Variants in ABCG2 observed in about 807,000 individuals in gnomAD.
ABCG2 encodes the protein broad substrate specificity ATP-binding cassette transporter ABCG2.
In ABCG2, 80 loss-of-function variants were observed where a neutral mutation model predicts 73.5. That is an observed-to-expected ratio of 1.09 (90% CI 0.91 to 1.31). The LOEUF (loss-of-function observed/expected upper bound fraction) is 1.31, where lower values mean the gene tolerates loss of function less well. ABCG2 is among the 50% of genes most tolerant of loss of function. ABCG2 has a pLI of 0.00. For missense variants in ABCG2, 796 were observed against 786.2 expected, an observed-to-expected ratio of 1.01 and a Z score of -0.15; for synonymous variants, 269 against 282.4, an observed-to-expected ratio of 0.95 and a Z score of 0.48.
intron 1 of ABCG2, among the ~76,000 whole-genome samples, chr4:88,150,001 A>C (rs779582887): frequency 1.3e-5 from 2 of 151,906 alleles, no homozygotes; most frequent in Admixed American, 6.6e-5. Flanking sequence ...AGTGCTACGG[A>C]GAAAAAAAAT....
At chr4:88,158,720 C>T (rs1324936811), upstream of ABCG2, 1 of 439,786 alleles carries the variant, frequency 2.3e-6, no homozygotes, top group Non-Finnish European at 4.6e-6. Context: ...CTTCCCCCAA[C>T]CACACCCGGC....
In ABCG2 at chr4:88,153,074, CAATT is replaced by C. The variant is rs370300482; in HGVS notation, c.-20+5308_-20+5311del. ...AAGAATTGGGAGGACCCAGGACATC[CAATT>C]AGAGAGTGCCTAAGGAGGTTCAGCA... On this transcript the variant is annotated intron_variant, in intron 1 of 15. Coordinates refer to ENST00000237612, the MANE Select transcript of ABCG2 (RefSeq NM_004827.3). Among the ~76,000 whole-genome samples, 34 of 152,158 alleles carry C rather than the reference CAATT, an allele frequency of 2.2e-4. No individual in the cohort carries two copies. The South Asian group carries it at 7.1e-3, about 32-fold the overall frequency.
chr4:88,121,560 C>G lies in ABCG2; in HGVS notation c.689+75G>C, dbSNP rs909336801. On this transcript the variant is annotated intron_variant, in intron 6 of 15. Transcript: ENST00000237612. ...GAAATTACTTTGATCATTTCTGAAC[C>G]CCCTGCCCCAAGAATATCTGGGACA... The G allele has an allele frequency of 2.9e-6, 4 of 1,374,952 alleles. No homozygotes were observed. In the African/African-American group the frequency reaches 4.4e-5, roughly 15 times the overall value. The allele number at this position is 1,374,952 out of a possible 1,614,324, so 85.2% of individuals were successfully genotyped here. A position where few individuals can be genotyped will look rare whatever the true frequency, so the allele number is the denominator to read the frequency against.
chr4:88,144,366 G>A (rs183346000), intron 1 of ABCG2, among the ~76,000 whole-genome samples: 71 of 151,682 alleles, frequency 4.7e-4, no homozygotes, highest in African/African-American at 1.7e-3. Context: ...CCCCAGCTCT[G>A]CTGCCTCTTT....
chr4:88,215,188 A>G (rs1729766670), intron 1 of ABCG2, among the ~76,000 whole-genome samples: 1 of 152,196 alleles, frequency 6.6e-6, no homozygotes, highest in South Asian at 2.1e-4. Context: ...GTGTTAGACC[A>G]ATGGGGATAA....
intron 1 of ABCG2, among the ~76,000 whole-genome samples, chr4:88,180,165 A>G (rs1728174843): frequency 6.6e-6 from 1 of 152,178 alleles, no homozygotes; most frequent in Admixed American, 6.5e-5. Flanking sequence ...AAAGGATCCT[A>G]AAAGCAGCAA....
intron 1 of ABCG2, among the ~76,000 whole-genome samples, chr4:88,202,191 C>T (rs1424870385): frequency 6.6e-6 from 1 of 151,190 alleles, no homozygotes; most frequent in East Asian, 2.0e-4. Context: ...TCCCATAATG[C>T]CCCATGTCAA....
In ABCG2 at chr4:88,139,841, A is replaced by G; in HGVS notation, c.155T>C (p.Phe52Ser). 1.2e-6 allele frequency: 2 copies of G among 1,614,184 alleles called. No homozygotes were observed. Among genetic ancestry groups the G allele is most frequent in the East Asian group, 2.2e-5 (1 of 44,886 alleles). The change falls in exon 2 of 16, where the codon TTT (phenylalanine) becomes TCT (serine). Residue 52 changes from phenylalanine (F) to serine (S), a missense_variant. Phe to Ser is a radical substitution (Grantham distance 155). Transcript: ENST00000237612. ...CTCAACTGGTTTTCGACAAGGTAGA[A>G]AGCCACTCTTCAGTTTTACTCGATA... ...ICYRVKLKSG[F>S]LPCRKPVEKE...
intron 1 of ABCG2, among the ~76,000 whole-genome samples, chr4:88,204,964 T>G (rs1729321886): frequency 6.6e-6 from 1 of 152,240 alleles, no homozygotes; most frequent in Non-Finnish European, 1.5e-5. Context: ...AAAATATGTT[T>G]GCAAATCCCA....
Position 88,219,072 on chromosome 4 carries a change from G to T in ABCG2, c.-20+11922C>A, listed in dbSNP as rs145688990. On this transcript the variant is annotated intron_variant, in intron 1 of 15. Transcript: ENST00000515655. The stretch of plus-strand genomic sequence containing the variant: ...GAAAAGGGAAATATTTTACACAGAG[G>T]TGCTTGTACACTTTTCTTCATGACT... Among the ~76,000 whole-genome samples the T allele has an allele frequency of 6.2e-3, 951 of 152,340 alleles. 3 individuals are homozygous for T. Among genetic ancestry groups the T allele is most frequent in the Middle Eastern group, 0.017 (5 of 294 alleles).
At chr4:88,211,111 A>AAT (rs890410430) in intron 1 of ABCG2, among the ~76,000 whole-genome samples, 89 of 151,118 alleles carry the variant, frequency 5.9e-4, no homozygotes, top group East Asian at 4.8e-3. Flanking sequence ...AAATAAAAAA[A>AAT]ATATATATAT....
intron 1 of ABCG2, among the ~76,000 whole-genome samples, chr4:88,173,610 T>C (rs901530173): frequency 2.6e-5 from 4 of 152,236 alleles, no homozygotes; most frequent in Admixed American, 2.6e-4. Flanking sequence ...ATCTAAACAA[T>C]GGACAATTTA....
At chr4:88,104,261 C>T (rs1722625868) in intron 10 of ABCG2, among the ~76,000 whole-genome samples, 1 of 152,220 alleles carries the variant, frequency 6.6e-6, no homozygotes, top group South Asian at 2.1e-4. Context: ...GCAGAGAGTG[C>T]TTTCCTCTCT....
intron 1 of ABCG2, among the ~76,000 whole-genome samples, chr4:88,215,607 T>A (rs1729781236): frequency 1.3e-5 from 2 of 152,152 alleles, no homozygotes; most frequent in Non-Finnish European, 2.9e-5. Context: ...TTCATTTCAG[T>A]GGGAATAATG....
At chr4:88,107,572 G>A (rs1722846585) in intron 9 of ABCG2, among the ~76,000 whole-genome samples, 1 of 152,176 alleles carries the variant, frequency 6.6e-6, no homozygotes. Flanking sequence ...TCTGCTTCAG[G>A]TTACTGAGCT....
chr4:88,229,418 C>T (rs1223511280), intron 1 of ABCG2, among the ~76,000 whole-genome samples: 4 of 152,144 alleles, frequency 2.6e-5, no homozygotes, highest in Non-Finnish European at 5.9e-5. Context: ...ATGGGAGGAT[C>T]GCATGAGCCC....
intron 11 of ABCG2, among the ~76,000 whole-genome samples, chr4:88,100,138 T>C (rs961846024): frequency 1.3e-5 from 2 of 150,956 alleles, no homozygotes; most frequent in Admixed American, 6.6e-5. Context: ...GATCCATCCT[T>C]GAAAAATACC....
intron 5 of ABCG2, among the ~76,000 whole-genome samples, chr4:88,127,029 C>T (rs1724468209): frequency 6.6e-6 from 1 of 152,148 alleles, no homozygotes; most frequent in Non-Finnish European, 1.5e-5. Context: ...TAGATAAGCC[C>T]CTTGTCTCAG....
At position 88,165,176 on chromosome 4, in the gene ABCG2, G is replaced by A. The variant is rs376083273; in HGVS notation, c.-19-25162C>T. On this transcript the variant is annotated intron_variant, in intron 1 of 15. Transcript: ENST00000515655. ...ATGGATGTGCTGAGGGTATGGGTGTGAATGGCTGATTTGGGATTTGGAAAA... is the reference window on the plus strand; with the variant it reads ...ATGGATGTGCTGAGGGTATGGGTGTAAATGGCTGATTTGGGATTTGGAAAA... Among the ~76,000 whole-genome samples, 105 of 152,308 alleles carry A rather than the reference G, an allele frequency of 6.9e-4. 6 individuals are homozygous for A. In the South Asian group the frequency reaches 0.02, roughly 29 times the overall value.
Sources: gnomAD v4.1 joint callset for allele counts (sites outside exome capture counted in the v4.1 genomes callset) on GRCh38, gnomAD v4.1.1 for gene constraint, MANE v1.5 for transcripts, NCBI Gene and HGNC (gene_info 2026-07-23, HGNC 2026-07-21) for gene names.